LRRC3B: variants seen among roughly 807,000 people sequenced by gnomAD.
The protein encoded by LRRC3B is leucine-rich repeat-containing protein 3B.
LRRC3B carries 2 observed loss-of-function variants against 12.8 expected under a neutral mutation model. That is an observed-to-expected ratio of 0.16 (90% CI 0.06 to 0.49). The LOEUF (loss-of-function observed/expected upper bound fraction) is 0.49. Ranked by LOEUF, LRRC3B falls within the 20% of genes least tolerant of loss-of-function variation. LRRC3B has a pLI of 0.96. For synonymous variants in LRRC3B, 132 were observed against 122.0 expected, an observed-to-expected ratio of 1.08 and a Z score of -0.54; for missense variants, 189 against 319.4, an observed-to-expected ratio of 0.59 and a Z score of 3.11.
At chr3:26,689,988 G>A (rs1295098277) in intron 1 of LRRC3B, among the ~76,000 whole-genome samples, 2 of 152,158 alleles carry the variant, frequency 1.3e-5, no homozygotes. Context: ...CTAAATCAGG[G>A]AATTGAGGAG....
chr3:26,707,199 G>GAAA (rs34703302), intron 1 of LRRC3B, among the ~76,000 whole-genome samples: 5 of 129,970 alleles, frequency 3.8e-5, no homozygotes, highest in African/African-American at 6.2e-5. Flanking sequence ...TAAAAATACA[G>GAAA]AAAAAAAAAA....
chr3:26,664,467 A>C (rs1371152222), intron 1 of LRRC3B, among the ~76,000 whole-genome samples: 1 of 152,084 alleles, frequency 6.6e-6, no homozygotes, highest in African/African-American at 2.4e-5. Context: ...GGAGTCTAGG[A>C]TTATTGCTAA....
intron 1 of LRRC3B, among the ~76,000 whole-genome samples, chr3:26,640,412 T>A (rs1699000041): frequency 7.0e-6 from 1 of 142,376 alleles, no homozygotes; most frequent in Non-Finnish European, 1.5e-5. Context: ...AAGTCATTGT[T>A]ATGCCTTATA....
At chr3:26,700,921 G>T (rs1199437998) in intron 1 of LRRC3B, among the ~76,000 whole-genome samples, 1 of 152,076 alleles carries the variant, frequency 6.6e-6, no homozygotes, top group Non-Finnish European at 1.5e-5. Context: ...TGAGAATTGT[G>T]GTGAGGTGAT....
At chr3:26,630,709 CT>C (rs200023827) in intron 1 of LRRC3B, among the ~76,000 whole-genome samples, 1,747 of 152,100 alleles carry the variant, frequency 0.011, 31 homozygotes, top group African/African-American at 0.037. Flanking sequence ...AAAGTTGCGA[CT>C]TTTTTTTCCA....
intron 1 of LRRC3B, among the ~76,000 whole-genome samples, chr3:26,638,584 C>A (rs934444457): frequency 2.6e-5 from 4 of 152,150 alleles, no homozygotes; most frequent in African/African-American, 9.7e-5. Context: ...ATAAGACCTG[C>A]AGATGGGATT....
chr3:26,635,951 AAAT>A (rs1387296068), intron 1 of LRRC3B, among the ~76,000 whole-genome samples: 3 of 152,222 alleles, frequency 2.0e-5, no homozygotes, highest in African/African-American at 7.2e-5. Context: ...GATTAAGAAA[AAAT>A]AAATTATTTT....
intron 1 of LRRC3B, among the ~76,000 whole-genome samples, chr3:26,656,191 C>T (rs1317153455): frequency 2.0e-5 from 3 of 152,196 alleles, no homozygotes; most frequent in Admixed American, 6.5e-5. Context: ...ACTGCCACTG[C>T]CACTGCTGCT....
intron 1 of LRRC3B, among the ~76,000 whole-genome samples, chr3:26,677,077 G>A (rs372573813): frequency 6.6e-6 from 1 of 152,286 alleles, no homozygotes; most frequent in South Asian, 2.1e-4. Flanking sequence ...CATCAGTCAT[G>A]AGTCAAGAAG....
At chr3:26,652,859 T>C (rs1699293299) in intron 1 of LRRC3B, among the ~76,000 whole-genome samples, 1 of 152,174 alleles carries the variant, frequency 6.6e-6, no homozygotes, top group Admixed American at 6.5e-5. Flanking sequence ...TGCTAAAAAA[T>C]ATTTTTGTTT....
chr3:26,695,434 G>A (rs1453218747), intron 1 of LRRC3B, among the ~76,000 whole-genome samples: 3 of 152,102 alleles, frequency 2.0e-5, no homozygotes, highest in South Asian at 2.1e-4. Flanking sequence ...GGCCGAGGCA[G>A]GAGAATGGCG....
chr3:26,673,241 G>A (rs1699789928), intron 1 of LRRC3B, among the ~76,000 whole-genome samples: 2 of 151,966 alleles, frequency 1.3e-5, no homozygotes, highest in African/African-American at 2.4e-5. Flanking sequence ...ATGCAGTATT[G>A]AAAACTGAAT....
intron 1 of LRRC3B, among the ~76,000 whole-genome samples, chr3:26,690,339 A>T (rs1700165347): frequency 1.3e-5 from 2 of 152,240 alleles, no homozygotes; most frequent in South Asian, 4.1e-4. Context: ...TTTTGCCTGC[A>T]TGGATTCTAC....
intron 1 of LRRC3B, among the ~76,000 whole-genome samples, chr3:26,687,669 C>T (rs979153054): frequency 6.6e-6 from 1 of 152,148 alleles, no homozygotes; most frequent in Non-Finnish European, 1.5e-5. Context: ...AGAGCTGCAG[C>T]CTCCTCCCTT....
intron 1 of LRRC3B, among the ~76,000 whole-genome samples, chr3:26,635,913 T>C (rs1284349693): frequency 6.6e-6 from 1 of 152,238 alleles, no homozygotes; most frequent in Non-Finnish European, 1.5e-5. Context: ...TGTTGGGGAC[T>C]TCTTGCAATC....
At chr3:26,686,201 TC>T (rs2125445646) in intron 1 of LRRC3B, among the ~76,000 whole-genome samples, 1 of 152,124 alleles carries the variant, frequency 6.6e-6, no homozygotes, top group East Asian at 1.9e-4. Context: ...TGCCTCAGCC[TC>T]CCAAGTAGCT....
intron 1 of LRRC3B, among the ~76,000 whole-genome samples, chr3:26,641,017 T>C (rs1294292325): frequency 6.6e-6 from 1 of 152,146 alleles, no homozygotes; most frequent in Non-Finnish European, 1.5e-5. Flanking sequence ...TTGTGGGAGA[T>C]GTTTGGAATG....
Position 26,646,598 on chromosome 3 carries a change from TAAAA to T in LRRC3B, c.-161+23396_-161+23399del, listed in dbSNP as rs529066996. ...CCCAGAGGCCACTAAGGATAGGAGG[TAAAA>T]AAAAAAAAAAAAAAAAAAAAAAAAA... is the stretch of plus-strand genomic sequence containing the variant. On this transcript the variant is annotated intron_variant, in intron 1 of 1. Transcript: ENST00000396641. Among the ~76,000 whole-genome samples, 18 of 99,618 alleles carry T rather than the reference TAAAA, an allele frequency of 1.8e-4. No individual in the cohort carries two copies. The East Asian group carries it at 2.7e-3, about 15-fold the overall frequency. 65.4% of individuals were successfully genotyped at this position (99,618 alleles called of 152,430 possible). A position where few individuals can be genotyped will look rare whatever the true frequency, so the allele number is the denominator to read the frequency against.
chr3:26,690,219 T>C (rs955185327), intron 1 of LRRC3B, among the ~76,000 whole-genome samples: 2 of 152,218 alleles, frequency 1.3e-5, no homozygotes, highest in Admixed American at 6.5e-5. Context: ...CATGTTAATA[T>C]GATGATGTCT....
Sources: allele counts gnomAD v4.1 joint callset (sites outside exome capture counted in the v4.1 genomes callset), GRCh38; gene constraint gnomAD v4.1.1; transcripts MANE v1.5; gene names NCBI Gene and HGNC (gene_info 2026-07-23, HGNC 2026-07-21).